PKHD1: variants seen among roughly 807,000 people sequenced by gnomAD.
The protein encoded by PKHD1 is PKHD1 ciliary IPT domain containing fibrocystin/polyductin.
PKHD1 carries 291 observed loss-of-function variants against 412.0 expected under a neutral mutation model. That is an observed-to-expected ratio of 0.71 (90% CI 0.64 to 0.78). The LOEUF is 0.78. Ranked by LOEUF, PKHD1 falls within the 30% of genes least tolerant of loss-of-function variation. PKHD1 has a pLI of 0.00. For synonymous variants in PKHD1, 1,777 were observed against 1,821.5 expected, an observed-to-expected ratio of 0.98 and a Z score of 0.62; for missense variants, 4,825 against 4,950.7, an observed-to-expected ratio of 0.97 and a Z score of 0.76.
At chr6:52,058,652 C>T (rs1198712075) in intron 15 of PKHD1, 51 bp from the exon 16 acceptor site, 2 of 1,575,730 alleles carry the variant, frequency 1.3e-6, no homozygotes, top group African/African-American at 2.7e-5. Context: ...TTCCAGGCAT[C>T]TCTTTCTCAA....
intron 36 of PKHD1, among the ~76,000 whole-genome samples, chr6:51,950,982 C>G (rs151082225): frequency 6.6e-6 from 1 of 152,142 alleles, no homozygotes; most frequent in African/African-American, 2.4e-5. Context: ...TGTGACTCAG[C>G]TCTTTACTTT....
At chr6:51,807,735 C>T (rs1338129924) in intron 52 of PKHD1, among the ~76,000 whole-genome samples, 1 of 151,880 alleles carries the variant, frequency 6.6e-6, no homozygotes, top group East Asian at 1.9e-4. Flanking sequence ...CATATGGAGT[C>T]TTTGTATCCA....
chr6:51,837,622 C>T (rs1769464986), intron 50 of PKHD1, among the ~76,000 whole-genome samples: 1 of 152,122 alleles, frequency 6.6e-6, no homozygotes, highest in South Asian at 2.1e-4. Flanking sequence ...AGGAGAATTG[C>T]TTGAACCCTG....
chr6:52,036,771 G>T (rs1804019758), intron 27 of PKHD1, among the ~76,000 whole-genome samples: 1 of 152,140 alleles, frequency 6.6e-6, no homozygotes, highest in African/African-American at 2.4e-5. Flanking sequence ...AAAAATATTT[G>T]AAATACTCTT....
intron 57 of PKHD1, among the ~76,000 whole-genome samples, chr6:51,752,592 T>C (rs1423822992): frequency 6.6e-6 from 1 of 152,206 alleles, no homozygotes; most frequent in African/African-American, 2.4e-5. Context: ...TATATATTCA[T>C]GTACACCACG....
intron 34 of PKHD1, among the ~76,000 whole-genome samples, chr6:52,016,495 G>A (rs1209909424): frequency 6.6e-6 from 1 of 151,900 alleles, no homozygotes; most frequent in Non-Finnish European, 1.5e-5. Context: ...AATTAGCTGG[G>A]CGTGGTGGTA....
intron 37 of PKHD1, among the ~76,000 whole-genome samples, chr6:51,918,178 T>C (rs541736651): frequency 5.2e-4 from 57 of 110,230 alleles, no homozygotes; most frequent in African/African-American, 1.9e-3. Context: ...AAAACAAATA[T>C]ATACATATAT....
intron 66 of PKHD1, among the ~76,000 whole-genome samples, chr6:51,624,763 C>T (rs1471060258): frequency 1.3e-5 from 2 of 152,162 alleles, no homozygotes; most frequent in Admixed American, 6.5e-5. Context: ...TGGCCAGTAT[C>T]ACTAGGGCCA....
chr6:51,874,821 C>T (rs1272371645), intron 46 of PKHD1, among the ~76,000 whole-genome samples: 1 of 108,006 alleles, frequency 9.3e-6, no homozygotes, highest in African/African-American at 3.6e-5. Context: ...ACGCAGAAGA[C>T]GGGTGATTTC....
chr6:51,976,184 T>C (rs1018889778), intron 35 of PKHD1, among the ~76,000 whole-genome samples: 2 of 152,144 alleles, frequency 1.3e-5, no homozygotes, highest in African/African-American at 4.8e-5. Flanking sequence ...AAGAGACATG[T>C]GCACAGCTAT....
At chr6:51,825,620 T>C (rs1271717242) in intron 52 of PKHD1, among the ~76,000 whole-genome samples, 1 of 152,074 alleles carries the variant, frequency 6.6e-6, no homozygotes, top group Non-Finnish European at 1.5e-5. Flanking sequence ...GTCCAGCCAC[T>C]ATCTAACTAT....
chr6:51,852,448 C>T (rs1209202703), intron 49 of PKHD1, among the ~76,000 whole-genome samples: 1 of 152,064 alleles, frequency 6.6e-6, no homozygotes, highest in Non-Finnish European at 1.5e-5. Flanking sequence ...TCAAGTCCTG[C>T]ATATCCTTGT....
At chr6:51,873,374 C>T (rs763196474) in intron 46 of PKHD1, among the ~76,000 whole-genome samples, 5 of 152,022 alleles carry the variant, frequency 3.3e-5, no homozygotes, top group South Asian at 2.1e-4. Context: ...CTAGGGCGTG[C>T]GGAGTGGGGT....
At chr6:51,663,084 G>A (rs1343832511) in intron 60 of PKHD1, among the ~76,000 whole-genome samples, 2 of 151,820 alleles carry the variant, frequency 1.3e-5, no homozygotes, top group African/African-American at 4.8e-5. Flanking sequence ...GGTCTTAATG[G>A]CCCTAGAAAT....
intron 54 of PKHD1, among the ~76,000 whole-genome samples, chr6:51,773,743 G>A (rs55806643): frequency 0.19 from 27,842 of 150,366 alleles, 3,377 homozygotes; most frequent in African/African-American, 0.34. Context: ...AGAAGCAGGA[G>A]ACCACTAAGG....
At chr6:51,975,317 T>C (rs111973615) in intron 35 of PKHD1, among the ~76,000 whole-genome samples, 2 of 152,044 alleles carry the variant, frequency 1.3e-5, no homozygotes, top group African/African-American at 4.8e-5. Context: ...TTAAACTCTT[T>C]TGTGTATCAA....
chr6:52,065,885 C>T, intron 12 of PKHD1, 91 bp downstream of exon 12: 1 of 760,960 alleles, frequency 1.3e-6, no homozygotes, highest in African/African-American at 1.7e-5. Context: ...GCAAAGCTTG[C>T]TTCCTCCTGC....
rs573260834 is a variant in PKHD1 at position 51,686,909 on chromosome 6, ATAT to A, written c.10157-26943_10157-26941del. ...AATCTACAAGGACAACTTTCTAAAAATATTTTGCAAGGACTGTATATTTCATAT... is the reference window on the plus strand; with the variant it reads ...AATCTACAAGGACAACTTTCTAAAAATTTGCAAGGACTGTATATTTCATAT... On this transcript the variant is annotated intron_variant, in intron 60 of 66. Transcript: ENST00000371117. Among the ~76,000 whole-genome samples, 161 of 152,298 alleles carry A rather than the reference ATAT, an allele frequency of 1.1e-3. 2 individuals carry two copies. The South Asian group carries it at 0.012, about 11-fold the overall frequency.
At chr6:51,717,484 T>C (rs1398643208) in intron 60 of PKHD1, among the ~76,000 whole-genome samples, 2 of 152,154 alleles carry the variant, frequency 1.3e-5, no homozygotes, top group Non-Finnish European at 2.9e-5. Context: ...TTTATAATAC[T>C]ATATTTACTG....
Sources: allele counts gnomAD v4.1 joint callset (sites outside exome capture counted in the v4.1 genomes callset), GRCh38; gene constraint gnomAD v4.1.1; transcripts MANE v1.5; gene names NCBI Gene and HGNC (gene_info 2026-07-23, HGNC 2026-07-21).